Variants in PPP3R1 observed in about 807,000 individuals in gnomAD.
The protein encoded by PPP3R1 is protein phosphatase 3 regulatory subunit B, alpha.
Under a neutral mutation model 22.6 loss-of-function variants are expected in PPP3R1, and 5 were observed. The ratio of observed to expected loss-of-function variants is 0.22; its 90% confidence interval spans 0.12 to 0.46. The LOEUF is 0.46. Ranked by LOEUF, PPP3R1 falls within the 20% of genes least tolerant of loss-of-function variation. PPP3R1 has a pLI of 0.99. For missense variants in PPP3R1, 61 were observed against 203.2 expected, an observed-to-expected ratio of 0.30 and a Z score of 4.25; for synonymous variants, 56 against 65.2, an observed-to-expected ratio of 0.86 and a Z score of 0.68.
chr2:68,227,442 C>T (rs1173675072), intron 1 of PPP3R1, among the ~76,000 whole-genome samples: 1 of 151,960 alleles, frequency 6.6e-6, no homozygotes, highest in Non-Finnish European at 1.5e-5. Flanking sequence ...AGAACAGATT[C>T]TCCTTATTCT....
At chr2:68,202,025 T>C (rs1674987495) in intron 2 of PPP3R1, among the ~76,000 whole-genome samples, 1 of 152,142 alleles carries the variant, frequency 6.6e-6, no homozygotes, top group Admixed American at 6.5e-5. Flanking sequence ...GAAAGAGAAA[T>C]TTCTCCTTTT....
intron 2 of PPP3R1, among the ~76,000 whole-genome samples, chr2:68,212,400 T>C (rs1179809367): frequency 1.3e-5 from 2 of 152,184 alleles, no homozygotes; most frequent in African/African-American, 4.8e-5. Flanking sequence ...ACGTCTTTAA[T>C]GTACTTTGCC....
At chr2:68,250,845 C>T (rs1224475041) in intron 1 of PPP3R1, 1 of 152,130 alleles carries the variant, frequency 6.6e-6, no homozygotes, top group African/African-American at 2.4e-5. Flanking sequence ...CACGTTCTTC[C>T]CTTAAAATCG....
chr2:68,227,113 G>A (rs1342608381), intron 1 of PPP3R1, among the ~76,000 whole-genome samples: 1 of 151,874 alleles, frequency 6.6e-6, no homozygotes, highest in African/African-American at 2.4e-5. Flanking sequence ...CATCTATAAA[G>A]TTTATTTTTA....
rs34117344 is a variant in PPP3R1 at position 68,190,255 on chromosome 2, TAA to T, written c.44-1567_44-1566del. ...GTAAAGGATCAGGGCAAGTTTCTCT[TAA>T]AAAAAAAAAAAAAAAAAAAAAAAAA... On this transcript the variant is annotated intron_variant, in intron 2 of 5. Transcript: ENST00000234310. Among the ~76,000 whole-genome samples, 162 of 25,130 alleles carry T rather than the reference TAA, an allele frequency of 6.4e-3. 2 individuals carry two copies. The highest frequency in any genetic ancestry group is 8.8e-3 in the Non-Finnish European group (104 of 11,828). 16.5% of individuals were successfully genotyped at this position (25,130 alleles called of 152,430 possible).
chr2:68,195,633 C>T (rs1674751726), intron 2 of PPP3R1, among the ~76,000 whole-genome samples: 1 of 152,026 alleles, frequency 6.6e-6, no homozygotes, highest in East Asian at 1.9e-4. Context: ...GTGGTATTTG[C>T]CTAATGAAAA....
intron 1 of PPP3R1, among the ~76,000 whole-genome samples, chr2:68,241,862 A>G (rs1670144507): frequency 2.0e-5 from 3 of 148,232 alleles, no homozygotes; most frequent in Admixed American, 6.7e-5. Flanking sequence ...AAAAAAAAAA[A>G]GATTACTACC....
intron 1 of PPP3R1, among the ~76,000 whole-genome samples, chr2:68,239,062 G>A (rs183147150): frequency 2.8e-4 from 43 of 152,230 alleles, no homozygotes; most frequent in Non-Finnish European, 1.5e-5. Context: ...AAGATGTAAG[G>A]ATTATTTGAA....
intron 2 of PPP3R1, among the ~76,000 whole-genome samples, chr2:68,213,844 T>A (rs1669527932): frequency 6.6e-6 from 1 of 152,150 alleles, no homozygotes; most frequent in Non-Finnish European, 1.5e-5. Context: ...AAAATCCGTA[T>A]GGAACCAAAA....
chr2:68,186,654 TA>T lies in PPP3R1; in HGVS notation c.281-3del, dbSNP rs777376760. Reference sequence around the variant, plus strand: ...CCATGTCATAGATACGGAAAGCAACTAAAAAAAAGGAAGGAAAATCAATTCC... The same window carrying T: ...CCATGTCATAGATACGGAAAGCAACTAAAAAAAGGAAGGAAAATCAATTCC... On this transcript the variant is annotated splice_region_variant and splice_polypyrimidine_tract_variant and intron_variant, in intron 4 of 5. Coordinates refer to ENST00000234310, the MANE Select transcript of PPP3R1 (RefSeq NM_000945.4). 28 of 1,590,434 alleles carry T rather than the reference TA, an allele frequency of 1.8e-5. No homozygotes were observed. Among genetic ancestry groups the T allele is most frequent in the Admixed American group, 9.2e-5 (5 of 54,196 alleles).
At chr2:68,193,563 A>C (rs1254530803) in intron 2 of PPP3R1, among the ~76,000 whole-genome samples, 1 of 152,206 alleles carries the variant, frequency 6.6e-6, no homozygotes, top group East Asian at 1.9e-4. Context: ...TACGAAAGTC[A>C]GCTTTCAAGA....
intron 4 of PPP3R1, 79 bp downstream of exon 4, chr2:68,187,176 T>C (rs990964233): frequency 8.6e-7 from 1 of 1,166,616 alleles, no homozygotes. Flanking sequence ...TCTTTTTCAT[T>C]ATTTTAAAAA....
intron 1 of PPP3R1, among the ~76,000 whole-genome samples, chr2:68,221,241 G>T (rs1669683792): frequency 1.3e-5 from 2 of 152,158 alleles, no homozygotes; most frequent in Admixed American, 1.3e-4. Context: ...TGAGGCAAGA[G>T]AATCTCTTGA....
chr2:68,188,743 C>CTT, intron 2 of PPP3R1, 53 bp from the exon 3 acceptor site: 1 of 1,467,380 alleles, frequency 6.8e-7, no homozygotes, highest in Middle Eastern at 1.8e-4. Flanking sequence ...TTCCCAAATC[C>CTT]TTTCTAATGG....
intron 1 of PPP3R1, among the ~76,000 whole-genome samples, chr2:68,244,398 A>G (rs1180114114): frequency 6.6e-6 from 1 of 151,994 alleles, no homozygotes; most frequent in Non-Finnish European, 1.5e-5. Context: ...ACCCCTCAAA[A>G]CCACCCCAGT....
chr2:68,187,220 A>G (rs773252173), intron 4 of PPP3R1, 35 bp downstream of exon 4: 57 of 1,495,312 alleles, frequency 3.8e-5, no homozygotes, highest in East Asian at 9.1e-5. Flanking sequence ...TGATGGTAGT[A>G]TAAGAGAATG....
At chr2:68,189,848 G>A (rs1012123878) in intron 2 of PPP3R1, among the ~76,000 whole-genome samples, 10 of 152,060 alleles carry the variant, frequency 6.6e-5, no homozygotes, top group Non-Finnish European at 1.3e-4. Context: ...CAGCCTGAGT[G>A]ACAGAGTGAG....
intron 1 of PPP3R1, among the ~76,000 whole-genome samples, chr2:68,250,808 A>C (rs149564504): frequency 6.6e-6 from 1 of 151,198 alleles, no homozygotes; most frequent in African/African-American, 2.4e-5. Flanking sequence ...TTTAAATAAA[A>C]GCTGACTTAC....
At chr2:68,210,326 ATTTTC>A (rs1669454629) in intron 2 of PPP3R1, among the ~76,000 whole-genome samples, 1 of 152,056 alleles carries the variant, frequency 6.6e-6, no homozygotes, top group African/African-American at 2.4e-5. Context: ...TAAGCATGTA[ATTTTC>A]TTTAAGTTCT....
Sources: gnomAD v4.1 joint callset for allele counts (sites outside exome capture counted in the v4.1 genomes callset) on GRCh38, gnomAD v4.1.1 for gene constraint, MANE v1.5 for transcripts, NCBI Gene and HGNC (gene_info 2026-07-23, HGNC 2026-07-21) for gene names.